Variants in TANC2 observed in about 807,000 individuals in gnomAD.
The protein encoded by TANC2 is protein TANC2.
A neutral mutation model predicts 210.5 loss-of-function variants in TANC2; 26 were observed. That is an observed-to-expected ratio of 0.12 (90% CI 0.09 to 0.17). The LOEUF (loss-of-function observed/expected upper bound fraction) is 0.17, where lower values mean the gene tolerates loss of function less well. Ranked by LOEUF, TANC2 falls within the 10% of genes least tolerant of loss-of-function variation. TANC2 has a pLI of 1.00. For synonymous variants in TANC2, 931 were observed against 967.1 expected (o/e 0.96, Z 0.69); for missense variants, 2,129 against 2,608.9 (o/e 0.82, Z 4.01).
intron 1 of TANC2, among the ~76,000 whole-genome samples, chr17:63,001,853 C>G (rs1437112570): frequency 6.6e-6 from 1 of 152,056 alleles, no homozygotes; most frequent in Non-Finnish European, 1.5e-5. Flanking sequence ...TGGTCAAGAC[C>G]AGATTTCTTT....
intron 11 of TANC2, chr17:63,331,951 G>A (rs1006212601): frequency 2.8e-5 from 7 of 252,692 alleles, no homozygotes; most frequent in East Asian, 1.1e-4. Flanking sequence ...AGTTCCAGCC[G>A]TTAAATACAG....
intron 9 of TANC2, among the ~76,000 whole-genome samples, chr17:63,270,643 G>A (rs2043672079): frequency 6.6e-6 from 1 of 152,018 alleles, no homozygotes; most frequent in Non-Finnish European, 1.5e-5. Flanking sequence ...CATTTTAAAG[G>A]AGTACTCTGA....
At chr17:63,273,215 G>A (rs1217301816) in intron 9 of TANC2, among the ~76,000 whole-genome samples, 2 of 152,120 alleles carry the variant, frequency 1.3e-5, no homozygotes, top group South Asian at 2.1e-4. Flanking sequence ...GAGCCTGTGA[G>A]GCCAAAGCTA....
intron 4 of TANC2, 32 bp from the exon 5 acceptor site, chr17:63,151,238 C>G: frequency 1.8e-5 from 17 of 929,854 alleles, no homozygotes; most frequent in Non-Finnish European, 2.2e-5. Flanking sequence ...CTCTCTGTCT[C>G]TTGCTTGCTC....
At chr17:62,970,022 T>G (rs1023253807) in intron 1 of TANC2, among the ~76,000 whole-genome samples, 3 of 152,204 alleles carry the variant, frequency 2.0e-5, no homozygotes, top group Non-Finnish European at 4.4e-5. Flanking sequence ...ATATAAAGAC[T>G]TCACAATGCA....
At chr17:63,339,704 AT>A (rs1353675693) in intron 11 of TANC2, among the ~76,000 whole-genome samples, 1 of 151,898 alleles carries the variant, frequency 6.6e-6, no homozygotes, top group Admixed American at 6.5e-5. Context: ...GGATTATTTT[AT>A]TCCTCATGCT....
intron 8 of TANC2, among the ~76,000 whole-genome samples, chr17:63,243,375 A>ATT (rs2042828665): frequency 3.3e-5 from 5 of 152,224 alleles, no homozygotes; most frequent in Admixed American, 3.3e-4. Flanking sequence ...TGTCCATGAG[A>ATT]AATGAGTGCT....
intron 7 of TANC2, among the ~76,000 whole-genome samples, chr17:63,208,098 A>T (rs976470912): frequency 6.6e-6 from 1 of 152,128 alleles, no homozygotes; most frequent in Non-Finnish European, 1.5e-5. Context: ...ATTTGAAGGA[A>T]ATCTTTATTT....
intron 5 of TANC2, among the ~76,000 whole-genome samples, chr17:63,175,002 A>G (rs981196215): frequency 5.9e-5 from 9 of 152,178 alleles, no homozygotes; most frequent in African/African-American, 1.9e-4. Context: ...CAGATTTCTC[A>G]TGTTTATGGA....
intron 17 of TANC2, chr17:63,389,993 C>T (rs889463917): frequency 2.1e-5 from 4 of 193,396 alleles, no homozygotes; most frequent in African/African-American, 9.4e-5. Context: ...TTCATCCTGT[C>T]CTTGAAGACC....
intron 8 of TANC2, among the ~76,000 whole-genome samples, chr17:63,264,384 T>G (rs915054796): frequency 6.6e-6 from 1 of 152,076 alleles, no homozygotes; most frequent in African/African-American, 2.4e-5. Flanking sequence ...AGTATTTCAG[T>G]TTGCTCCAGG....
At chr17:63,187,402 AG>A (rs1406405799) in intron 5 of TANC2, among the ~76,000 whole-genome samples, 1 of 152,208 alleles carries the variant, frequency 6.6e-6, no homozygotes, top group Non-Finnish European at 1.5e-5. Flanking sequence ...GCTTAGGAAT[AG>A]TACCTGGCAT....
rs186802911 is a variant in TANC2 at position 63,010,483 on chromosome 17, G to A, written c.67+857G>A. 2.7e-4 allele frequency among the ~76,000 whole-genome samples: 40 copies of A among 148,846 alleles called. No individual in the cohort carries two copies. In the East Asian group the frequency reaches 5.7e-3, roughly 21 times the overall value. ...GTGGGTTTTTTTTTTTTTTCCTACA[G>A]TGATTCAATTCAGTTCTCTGGTAGA... On this transcript the variant is annotated intron_variant, in intron 2 of 27. Coordinates refer to ENST00000689528, the Ensembl canonical transcript of TANC2.
intron 7 of TANC2, among the ~76,000 whole-genome samples, chr17:63,232,997 T>TG (rs934865416): frequency 3.9e-5 from 6 of 152,180 alleles, no homozygotes; most frequent in African/African-American, 7.2e-5. Flanking sequence ...TGAGGAGGGA[T>TG]GGGTCAGGGT....
At chr17:63,078,963 T>C (rs1175586787) in intron 3 of TANC2, among the ~76,000 whole-genome samples, 1 of 152,222 alleles carries the variant, frequency 6.6e-6, no homozygotes, top group African/African-American at 2.4e-5. Flanking sequence ...TTCTACTTGT[T>C]GAACAGCAAG....
chr17:63,141,408 A>T (rs1398623106), intron 4 of TANC2, among the ~76,000 whole-genome samples: 1 of 144,496 alleles, frequency 6.9e-6, no homozygotes, highest in African/African-American at 2.6e-5. Flanking sequence ...AAAAAAAAAA[A>T]AAAAAAAAAT....
chr17:63,274,949 G>A (rs1292580713), intron 9 of TANC2, among the ~76,000 whole-genome samples: 10 of 152,130 alleles, frequency 6.6e-5, no homozygotes, highest in Non-Finnish European at 1.3e-4. Context: ...ATTCCGCAGA[G>A]AAAGATAGAA....
chr17:63,208,255 C>T (rs1470220778), intron 7 of TANC2, among the ~76,000 whole-genome samples: 1 of 152,124 alleles, frequency 6.6e-6, no homozygotes, highest in Non-Finnish European at 1.5e-5. Context: ...TTTTTCTATA[C>T]AAATAACTAG....
At chr17:63,252,369 C>T (rs1051315577) in intron 8 of TANC2, among the ~76,000 whole-genome samples, 2 of 151,848 alleles carry the variant, frequency 1.3e-5, no homozygotes, top group South Asian at 4.2e-4. Context: ...TTGTTGCAAA[C>T]GTTCCAACTA....
Sources: allele counts gnomAD v4.1 joint callset (sites outside exome capture counted in the v4.1 genomes callset), GRCh38; gene constraint gnomAD v4.1.1; transcripts MANE v1.5; gene names NCBI Gene and HGNC (gene_info 2026-07-23, HGNC 2026-07-21).